Variants in CCDC38 observed in about 807,000 individuals in gnomAD.
CCDC38 encodes the protein coiled-coil domain-containing protein 38.
A neutral mutation model predicts 72.8 loss-of-function variants in CCDC38; 69 were observed. The observed-to-expected ratio is 0.95, with a 90% confidence interval of 0.78 to 1.16. CCDC38 has a LOEUF of 1.16. Among genes scored for constraint, CCDC38 ranks in the 50% most tolerant of loss-of-function variants. The pLI is 0.00. For missense variants in CCDC38, 626 were observed against 638.9 expected (o/e 0.98, Z 0.22); for synonymous variants, 201 against 213.2 (o/e 0.94, Z 0.50).
At chr12:95,917,443 T>C in intron 3 of CCDC38, 149 bp from the exon 4 acceptor site, 1 of 614,092 alleles carries the variant, frequency 1.6e-6, no homozygotes, top group Non-Finnish European at 2.7e-6. Flanking sequence ...GGAATGTGTG[T>C]TGTTTTAGTT....
chr12:95,897,775 T>C (rs918410830), intron 7 of CCDC38, among the ~76,000 whole-genome samples: 1 of 152,148 alleles, frequency 6.6e-6, no homozygotes. Context: ...TATTTATTTT[T>C]ACTAAAGATG....
At chr12:95,908,800 A>G (rs1173810278) in intron 4 of CCDC38, among the ~76,000 whole-genome samples, 1 of 151,900 alleles carries the variant, frequency 6.6e-6, no homozygotes. Flanking sequence ...CAAAGCTCTT[A>G]GGCAAAATCT....
chr12:95,901,815 A>G (rs1317131182), intron 5 of CCDC38, among the ~76,000 whole-genome samples: 1 of 152,146 alleles, frequency 6.6e-6, no homozygotes, highest in Non-Finnish European at 1.5e-5. Context: ...TAAGGACAAA[A>G]CCCTGATGGA....
In CCDC38 at chr12:95,937,830, C is replaced by A. The variant is rs145734617; in HGVS notation, c.-14-1307G>T. On this transcript the variant is annotated intron_variant, in intron 1 of 15. Coordinates refer to ENST00000344280, the MANE Select transcript of CCDC38 (RefSeq NM_182496.3). The stretch of plus-strand genomic sequence containing the variant: ...TACCTACTATGTGTCAGGCACTGTT[C>A]TACGTGTGGGGGACAGGGCAATTTT... 2.0e-5 allele frequency among the ~76,000 whole-genome samples: 3 copies of A among 152,302 alleles called. No individual in the cohort carries two copies. In the East Asian group the frequency reaches 5.8e-4, roughly 29 times the overall value.
chr12:95,891,156 A>AGGGC (rs2079822465), intron 8 of CCDC38, among the ~76,000 whole-genome samples: 1 of 152,210 alleles, frequency 6.6e-6, no homozygotes, highest in Non-Finnish European at 1.5e-5. Flanking sequence ...GCAGATAGTA[A>AGGGC]GGGCTGGTCC....
chr12:95,929,589 T>C (rs1218992425), intron 2 of CCDC38, among the ~76,000 whole-genome samples: 1 of 152,240 alleles, frequency 6.6e-6, no homozygotes, highest in Non-Finnish European at 1.5e-5. Flanking sequence ...AAATCTTTAA[T>C]GCCTGAGTTA....
intron 9 of CCDC38, 117 bp downstream of exon 9, chr12:95,890,715 T>G: frequency 1.7e-6 from 1 of 577,606 alleles, no homozygotes; most frequent in Non-Finnish European, 3.1e-6. Context: ...CTGCTAGGAT[T>G]GAGGGTGGGG....
chr12:95,937,438 AC>A (rs1323609188), intron 1 of CCDC38, among the ~76,000 whole-genome samples: 3 of 152,302 alleles, frequency 2.0e-5, no homozygotes, highest in African/African-American at 7.2e-5. Flanking sequence ...CACTGGCCTT[AC>A]CCTAATCCTT....
intron 13 of CCDC38, among the ~76,000 whole-genome samples, chr12:95,874,050 T>C (rs2079609844): frequency 6.6e-6 from 1 of 152,138 alleles, no homozygotes. Context: ...CCTTTTCCCC[T>C]CTCTCTAAAA....
chr12:95,911,356 A>T (rs2080092476), intron 4 of CCDC38, among the ~76,000 whole-genome samples: 1 of 152,212 alleles, frequency 6.6e-6, no homozygotes, highest in African/African-American at 2.4e-5. Flanking sequence ...ACCAAATGCA[A>T]CAAAAATAAA....
chr12:95,917,210 G>C lies in CCDC38; in HGVS notation c.223C>G (p.Leu75Val), dbSNP rs1481256215. 7 of 1,610,736 alleles carry C rather than the reference G, an allele frequency of 4.3e-6. No individual in the cohort carries two copies. Among genetic ancestry groups the C allele is most frequent in the Non-Finnish European group, 5.9e-6 (7 of 1,179,356 alleles). ...RMKSHSYLSQ[L>V]AFYPKRSGRS... ...CCACTCCTTTTAGGGTAGAAAGCTA[G>C]TTGGCTCAGGTATGAATGACTCTTC... Residue 75 changes from leucine to valine, a missense_variant, in exon 4 of 16, where the codon CTA becomes GTA. By Grantham distance (32) the Leu-to-Val change is conservative. Coordinates refer to ENST00000344280, the MANE Select transcript of CCDC38 (RefSeq NM_182496.3).
At chr12:95,937,590 C>T (rs1051222205) in intron 1 of CCDC38, among the ~76,000 whole-genome samples, 2 of 152,112 alleles carry the variant, frequency 1.3e-5, no homozygotes, top group Admixed American at 1.3e-4. Flanking sequence ...GTGCCCGCAG[C>T]AGAAACAATG....
intron 1 of CCDC38, among the ~76,000 whole-genome samples, chr12:95,941,933 T>A (rs775793159): frequency 4.2e-4 from 62 of 146,308 alleles, no homozygotes; most frequent in Admixed American, 1.2e-3. Context: ...CTTTCCTAAC[T>A]GATCTCTCTT....
intron 13 of CCDC38, among the ~76,000 whole-genome samples, chr12:95,875,534 CAA>C (rs2079626466): frequency 6.6e-6 from 1 of 152,032 alleles, no homozygotes; most frequent in African/African-American, 2.4e-5. Flanking sequence ...AATTATACCT[CAA>C]TAACGCTGGA....
chr12:95,909,072 A>G (rs993718188), intron 4 of CCDC38, among the ~76,000 whole-genome samples: 2 of 152,208 alleles, frequency 1.3e-5, no homozygotes, highest in Non-Finnish European at 2.9e-5. Flanking sequence ...TGAAATTGAG[A>G]CAAAAAAATA....
chr12:95,918,030 T>A (rs1410282848), intron 3 of CCDC38, among the ~76,000 whole-genome samples: 3 of 152,228 alleles, frequency 2.0e-5, no homozygotes, highest in African/African-American at 7.2e-5. Context: ...CAACACTTGC[T>A]GAGGAACCAT....
intron 10 of CCDC38, chr12:95,885,531 A>G (rs994156568): frequency 6.4e-5 from 11 of 172,216 alleles, no homozygotes; most frequent in African/African-American, 2.6e-4. Context: ...TGTTCCAAAG[A>G]AATGATGTTG....
rs149514733 is a variant in CCDC38, at chr12:95,914,894, G to A, written c.304+2235C>T. On this transcript the variant is annotated intron_variant, in intron 4 of 15. Coordinates refer to ENST00000344280, the MANE Select transcript of CCDC38 (RefSeq NM_182496.3). ...GGATCTGACATATTGTATCCTCATG[G>A]TGTTATCTAACATGGTCTTCAATCC... 5.4e-3 allele frequency among the ~76,000 whole-genome samples: 816 copies of A among 152,056 alleles called. 3 individuals are homozygous for A. The highest frequency in any genetic ancestry group is 0.019 in the African/African-American group (771 of 41,482).
intron 10 of CCDC38, among the ~76,000 whole-genome samples, chr12:95,884,380 A>G (rs979850336): frequency 2.0e-5 from 3 of 152,274 alleles, no homozygotes; most frequent in Admixed American, 6.5e-5. Context: ...CAAAACATGT[A>G]TAGGATTTGT....
Sources: allele counts gnomAD v4.1 joint callset (sites outside exome capture counted in the v4.1 genomes callset), GRCh38; gene constraint gnomAD v4.1.1; transcripts MANE v1.5; gene names NCBI Gene and HGNC (gene_info 2026-07-23, HGNC 2026-07-21).